Variants in ASTN2 observed in about 807,000 individuals in gnomAD.
ASTN2 encodes astrotactin 2.
A neutral mutation model predicts 139.8 loss-of-function variants in ASTN2; 54 were observed. The observed-to-expected ratio is 0.39, with a 90% confidence interval of 0.31 to 0.48. The LOEUF (loss-of-function observed/expected upper bound fraction) is 0.48, where lower values mean the gene tolerates loss of function less well. ASTN2 is among the 20% of genes least tolerant of loss of function. ASTN2 has a pLI of 0.95. For missense variants in ASTN2, 1,565 were observed against 1,725.1 expected, an observed-to-expected ratio of 0.91 and a Z score of 1.64; for synonymous variants, 756 against 719.5, an observed-to-expected ratio of 1.05 and a Z score of -0.81.
chr9:117,041,864 C>T (rs772118037), intron 5 of ASTN2, among the ~76,000 whole-genome samples: 1 of 152,186 alleles, frequency 6.6e-6, no homozygotes, highest in Non-Finnish European at 1.5e-5. Flanking sequence ...GTCACCCCAT[C>T]ACTCTTTGAG....
chr9:116,735,350 C>T (rs1300729022), intron 13 of ASTN2, among the ~76,000 whole-genome samples: 1 of 152,188 alleles, frequency 6.6e-6, no homozygotes, highest in Non-Finnish European at 1.5e-5. Flanking sequence ...AAAAGACAGG[C>T]TTCTGGTAGA....
intron 12 of ASTN2, 41 bp from the exon 13 acceptor site, chr9:116,805,861 G>GACAA: frequency 1.3e-6 from 2 of 1,594,738 alleles, no homozygotes; most frequent in Non-Finnish European, 8.6e-7. Context: ...TTCACATCCT[G>GACAA]AATGCCCCCA....
intron 19 of ASTN2, among the ~76,000 whole-genome samples, chr9:116,573,914 T>C (rs1276312625): frequency 1.3e-5 from 2 of 152,206 alleles, no homozygotes; most frequent in Non-Finnish European, 2.9e-5. Flanking sequence ...CCATACGTTG[T>C]ACTTAGAATT....
At chr9:116,659,399 T>C (rs1858423059) in intron 16 of ASTN2, among the ~76,000 whole-genome samples, 1 of 152,128 alleles carries the variant, frequency 6.6e-6, no homozygotes. Context: ...GTGTAATGCT[T>C]ATCAGACTTC....
At chr9:117,065,264 A>G (rs1188458737) in intron 5 of ASTN2, among the ~76,000 whole-genome samples, 1 of 152,160 alleles carries the variant, frequency 6.6e-6, no homozygotes, top group Non-Finnish European at 1.5e-5. Context: ...CTGAGAGAGA[A>G]TAACTTTCTG....
intron 14 of ASTN2, 81 bp downstream of exon 14, chr9:116,733,318 G>T: frequency 6.4e-7 from 1 of 1,558,314 alleles, no homozygotes; most frequent in East Asian, 2.3e-5. Flanking sequence ...TCTTGGATCT[G>T]CTGAAGACTG....
intron 11 of ASTN2, among the ~76,000 whole-genome samples, chr9:116,823,317 C>T (rs999097165): frequency 4.6e-5 from 7 of 152,150 alleles, no homozygotes; most frequent in African/African-American, 1.4e-4. Flanking sequence ...AACTTTGTTG[C>T]TATTAGCTGC....
intron 3 of ASTN2, among the ~76,000 whole-genome samples, chr9:117,162,198 G>A (rs1452611578): frequency 1.3e-5 from 2 of 152,052 alleles, no homozygotes; most frequent in African/African-American, 4.8e-5. Context: ...CTTTTGAAGA[G>A]ATGATTTATA....
intron 19 of ASTN2, among the ~76,000 whole-genome samples, chr9:116,548,126 A>T (rs1298794915): frequency 6.6e-6 from 1 of 152,218 alleles, no homozygotes; most frequent in Non-Finnish European, 1.5e-5. Context: ...AGCCGGAGCC[A>T]GGAGCGATTC....
At chr9:116,740,186 T>G (rs1216725391) in intron 13 of ASTN2, among the ~76,000 whole-genome samples, 1 of 152,200 alleles carries the variant, frequency 6.6e-6, no homozygotes, top group East Asian at 1.9e-4. Flanking sequence ...CATTCTAAAA[T>G]GAACAATGCC....
chr9:116,619,081 C>G (rs900080015), intron 18 of ASTN2, among the ~76,000 whole-genome samples: 1 of 152,070 alleles, frequency 6.6e-6, no homozygotes, highest in Non-Finnish European at 1.5e-5. Flanking sequence ...ACACAACAAG[C>G]TGAAGACAGG....
chr9:116,715,840 G>A (rs1486691658), intron 16 of ASTN2, among the ~76,000 whole-genome samples: 1 of 152,130 alleles, frequency 6.6e-6, no homozygotes, highest in African/African-American at 2.4e-5. Flanking sequence ...GAAATGAGAG[G>A]CAGACAGGGA....
At chr9:116,560,927 C>G (rs150622713) in intron 19 of ASTN2, among the ~76,000 whole-genome samples, 1 of 152,316 alleles carries the variant, frequency 6.6e-6, no homozygotes, top group African/African-American at 2.4e-5. Flanking sequence ...TTTGGCAAAG[C>G]AGCCAGGAAA....
At chr9:117,088,606 T>TTG (rs1828626847) in intron 5 of ASTN2, among the ~76,000 whole-genome samples, 1 of 152,154 alleles carries the variant, frequency 6.6e-6, no homozygotes. Flanking sequence ...TGGTTCTTAG[T>TTG]TACAGAAAAT....
intron 10 of ASTN2, among the ~76,000 whole-genome samples, chr9:116,930,885 C>T (rs16934069): frequency 0.24 from 36,653 of 151,842 alleles, 4,706 homozygotes; most frequent in East Asian, 0.35. Context: ...CATGGATTCT[C>T]CTTCACCAAT....
chr9:116,632,196 GAAAGAAAGA>G (rs1408662481), intron 17 of ASTN2, among the ~76,000 whole-genome samples: 112 of 21,760 alleles, frequency 5.1e-3, no homozygotes, highest in Middle Eastern at 0.033. Context: ...GAGAGAGAGA[GAAAGAAAGA>G]AAAGAAAGAA....
In ASTN2 at chr9:116,727,091, C is replaced by T. The variant is rs576033851; in HGVS notation, c.2627-1141G>A. On this transcript the variant is annotated intron_variant, in intron 15 of 22. Transcript: ENST00000313400. ...CTCCCTATGTCCTCCCTAAGTCACA[C>T]CTATGCTTCAAGGCCCCTGGAAGTC... is the stretch of plus-strand genomic sequence containing the variant. Among the ~76,000 whole-genome samples, 25 of 151,740 alleles carry T rather than the reference C, an allele frequency of 1.6e-4. No homozygotes were observed. In the East Asian group the frequency reaches 4.9e-3, roughly 29 times the overall value.
chr9:116,928,974 G>T (rs1227015377), intron 10 of ASTN2, among the ~76,000 whole-genome samples: 1 of 152,190 alleles, frequency 6.6e-6, no homozygotes, highest in African/African-American at 2.4e-5. Context: ...GCCATTAAAT[G>T]GCAGAATCAA....
chr9:116,656,243 C>G (rs765151015), intron 16 of ASTN2, among the ~76,000 whole-genome samples: 2 of 152,044 alleles, frequency 1.3e-5, no homozygotes, highest in Non-Finnish European at 2.9e-5. Context: ...CTGCCTTATC[C>G]AAGCATCGAT....
Sources: gnomAD v4.1 joint callset for allele counts (sites outside exome capture counted in the v4.1 genomes callset) on GRCh38, gnomAD v4.1.1 for gene constraint, MANE v1.5 for transcripts, NCBI Gene and HGNC (gene_info 2026-07-23, HGNC 2026-07-21) for gene names.